Variants in SPAG16 observed in about 807,000 individuals in gnomAD.
SPAG16 encodes the protein sperm associated antigen 16, also known as sperm-associated antigen 16 protein.
SPAG16 carries 86 observed loss-of-function variants against 80.4 expected under a neutral mutation model. That is an observed-to-expected ratio of 1.07 (90% confidence interval 0.90 to 1.28). SPAG16 has a LOEUF of 1.28. SPAG16 is among the 50% of genes most tolerant of loss of function. SPAG16 has a pLI of 0.00. For missense variants in SPAG16, 870 were observed against 765.3 expected (o/e 1.14, Z -1.61); for synonymous variants, 294 against 265.9 (o/e 1.11, Z -1.03).
At chr2:214,319,912 A>G (rs898039094) in intron 15 of SPAG16, among the ~76,000 whole-genome samples, 3 of 152,136 alleles carry the variant, frequency 2.0e-5, no homozygotes, top group African/African-American at 7.3e-5. Flanking sequence ...TGCTTTTCAA[A>G]TAGCTGCCTT....
intron 11 of SPAG16, among the ~76,000 whole-genome samples, chr2:213,876,299 T>C (rs1250073645): frequency 2.4e-5 from 2 of 82,094 alleles, no homozygotes; most frequent in African/African-American, 7.1e-5. Flanking sequence ...GTATTAACTT[T>C]GAACCAAAAA....
intron 10 of SPAG16, among the ~76,000 whole-genome samples, chr2:213,544,928 A>G (rs2076567008): frequency 6.6e-6 from 1 of 152,112 alleles, no homozygotes; most frequent in Non-Finnish European, 1.5e-5. Context: ...CCACTCAAGG[A>G]CAGCTTGGTT....
intron 15 of SPAG16, among the ~76,000 whole-genome samples, chr2:214,263,123 A>G (rs1008654304): frequency 7.9e-5 from 12 of 152,136 alleles, no homozygotes; most frequent in African/African-American, 2.7e-4. Flanking sequence ...ATGCTTTACT[A>G]TTAACTACAG....
chr2:213,814,022 AGAGAGAGAGATCGGTAGGGT>A lies in SPAG16; in HGVS notation c.1071-48452_1071-48433del, dbSNP rs1168085138. On this transcript the variant is annotated intron_variant, in intron 10 of 15. Coordinates refer to ENST00000331683, the MANE Select transcript of SPAG16 (RefSeq NM_024532.5). ...TGGGTAGGAGGAGACGGAGGTAGGG[AGAGAGAGAGATCGGTAGGGT>A]GAGAGAGAGACTGAAAGAGAGATGA... is the stretch of plus-strand genomic sequence containing the variant. Among the ~76,000 whole-genome samples the A allele has an allele frequency of 3.9e-5, 6 of 152,198 alleles. No individual in the cohort carries two copies. The East Asian group carries it at 5.8e-4, about 15-fold the overall frequency.
chr2:214,137,474 A>T (rs1050996850), intron 14 of SPAG16, among the ~76,000 whole-genome samples: 6 of 152,070 alleles, frequency 3.9e-5, no homozygotes, highest in Non-Finnish European at 7.4e-5. Flanking sequence ...TTAGGTTTCT[A>T]CAGTTTTAGC....
intron 15 of SPAG16, among the ~76,000 whole-genome samples, chr2:214,264,632 A>G (rs953871506): frequency 6.6e-6 from 1 of 152,128 alleles, no homozygotes; most frequent in Admixed American, 6.6e-5. Flanking sequence ...ATATATTGTT[A>G]TTAAATAAAG....
intron 15 of SPAG16, among the ~76,000 whole-genome samples, chr2:214,166,061 A>G (rs1400978892): frequency 6.6e-6 from 1 of 152,206 alleles, no homozygotes; most frequent in Non-Finnish European, 1.5e-5. Flanking sequence ...TCTCAAATCC[A>G]TGCAATGGAA....
At chr2:213,863,510 A>G (rs1185218120) in intron 11 of SPAG16, among the ~76,000 whole-genome samples, 2 of 152,068 alleles carry the variant, frequency 1.3e-5, no homozygotes, top group Non-Finnish European at 2.9e-5. Flanking sequence ...GGGTAAACTA[A>G]GTTTGTTTTT....
chr2:213,433,802 A>G (rs1040606831), intron 9 of SPAG16, among the ~76,000 whole-genome samples: 1 of 152,182 alleles, frequency 6.6e-6, no homozygotes, highest in Non-Finnish European at 1.5e-5. Flanking sequence ...AATTCTAAGC[A>G]AAAAGAATAA....
chr2:213,950,841 T>G (rs909837584), intron 12 of SPAG16, among the ~76,000 whole-genome samples: 3 of 151,386 alleles, frequency 2.0e-5, no homozygotes, highest in South Asian at 4.2e-4. Context: ...TCTGAGTAGC[T>G]GGGACCACAG....
chr2:213,867,473 C>T (rs1282350015), intron 11 of SPAG16, among the ~76,000 whole-genome samples: 3 of 93,226 alleles, frequency 3.2e-5, no homozygotes, highest in Non-Finnish European at 5.7e-5. Context: ...TTCTCTTCTG[C>T]AAAATAGAAA....
At chr2:213,550,219 T>TC (rs1457599233) in intron 10 of SPAG16, among the ~76,000 whole-genome samples, 2 of 146,386 alleles carry the variant, frequency 1.4e-5, no homozygotes, top group African/African-American at 5.1e-5. Context: ...ATCACAGACT[T>TC]TTTTTTTTCA....
chr2:213,458,292 G>T (rs528491609), intron 9 of SPAG16, among the ~76,000 whole-genome samples: 1 of 152,210 alleles, frequency 6.6e-6, no homozygotes, highest in South Asian at 2.1e-4. Context: ...CCTTGGCTGG[G>T]TGCAGTGGCT....
chr2:214,254,436 TCTTA>T (rs1690531816), intron 15 of SPAG16, among the ~76,000 whole-genome samples: 1 of 152,148 alleles, frequency 6.6e-6, no homozygotes, highest in Admixed American at 6.6e-5. Flanking sequence ...CATACATAGC[TCTTA>T]CTATTTTGAG....
At chr2:214,236,868 G>A (rs1689117576) in intron 15 of SPAG16, among the ~76,000 whole-genome samples, 1 of 152,060 alleles carries the variant, frequency 6.6e-6, no homozygotes, top group Non-Finnish European at 1.5e-5. Context: ...GCAAAGCTGA[G>A]AGTGACAGAG....
chr2:213,536,905 A>G (rs2076269541), intron 10 of SPAG16, among the ~76,000 whole-genome samples: 1 of 152,048 alleles, frequency 6.6e-6, no homozygotes, highest in African/African-American at 2.4e-5. Context: ...AAAGACTTGG[A>G]ACCAACCCAA....
At chr2:213,614,425 A>G (rs1447041853) in intron 10 of SPAG16, among the ~76,000 whole-genome samples, 1 of 152,220 alleles carries the variant, frequency 6.6e-6, no homozygotes, top group Non-Finnish European at 1.5e-5. Flanking sequence ...ACTCTGAGAG[A>G]TAGAAAGAGT....
intron 9 of SPAG16, among the ~76,000 whole-genome samples, chr2:213,474,056 T>A (rs1343895256): frequency 6.6e-6 from 1 of 152,106 alleles, no homozygotes; most frequent in Non-Finnish European, 1.5e-5. Flanking sequence ...GCAGCATGGG[T>A]TGGGGAGGGG....
At chr2:213,761,791 G>A (rs1320824606) in intron 10 of SPAG16, among the ~76,000 whole-genome samples, 4 of 152,148 alleles carry the variant, frequency 2.6e-5, no homozygotes, top group Admixed American at 6.5e-5. Context: ...GCATGAACCC[G>A]GGAGGCAGAG....
Sources: gnomAD v4.1 joint callset for allele counts (sites outside exome capture counted in the v4.1 genomes callset) on GRCh38, gnomAD v4.1.1 for gene constraint, MANE v1.5 for transcripts, NCBI Gene and HGNC (gene_info 2026-07-23, HGNC 2026-07-21) for gene names.